The following ST3GAL1 variants were observed in gnomAD, a reference collection of about 807,000 sequenced individuals.
The protein encoded by ST3GAL1 is CMP-N-acetylneuraminate-beta-galactosamide-alpha-2,3-sialyltransferase 1.
Under a neutral mutation model 34.1 loss-of-function variants are expected in ST3GAL1, and 16 were observed. The observed-to-expected ratio is 0.47, with a 90% CI of 0.32 to 0.71. The LOEUF is 0.71. Ranked by LOEUF, ST3GAL1 falls within the 30% of genes least tolerant of loss-of-function variation. ST3GAL1 has a pLI of 0.04. For synonymous variants in ST3GAL1, 191 were observed against 184.7 expected (o/e 1.03, Z -0.28); for missense variants, 353 against 447.4 (o/e 0.79, Z 1.90).
Position 133,561,122 on chromosome 8 carries a change from T to C in ST3GAL1, c.-582+10571A>G, listed in dbSNP as rs967174040. Among the ~76,000 whole-genome samples the C allele has an allele frequency of 2.0e-5, 3 of 150,990 alleles. No homozygotes were observed. The East Asian group carries it at 5.8e-4, about 29-fold the overall frequency. ...CCCAGAGCCATCTTTTTTTTTTTTT[T>C]TTTTTTTGCTTGCTGCCAGTTAATC... On this transcript the variant is annotated intron_variant, in intron 1 of 9. Coordinates refer to ENST00000522652, the MANE Select transcript of ST3GAL1 (RefSeq NM_173344.3).
rs1407215789 is a variant in ST3GAL1, at chr8:133,457,567, C to A, written c.*2197G>T. On this transcript the variant is annotated 3_prime_UTR_variant, in exon 10 of 10. Coordinates refer to ENST00000522652, the MANE Select transcript of ST3GAL1 (RefSeq NM_173344.3). The stretch of plus-strand genomic sequence containing the variant: ...ATGACTCAGTGATTTACCAGCCTTT[C>A]TCAGAAAAAAGAAAAGTCTTTAAAG... The A allele has an allele frequency of 6.6e-6, 1 of 152,118 alleles. No homozygotes were observed. The highest frequency in any genetic ancestry group is 1.5e-5 in the Non-Finnish European group (1 of 68,030). 9.4% of individuals were successfully genotyped at this position (152,118 alleles called of 1,614,324 possible).
At chr8:133,540,924 T>TATATAGACATATATATAGACAC (rs1563734225) in intron 2 of ST3GAL1, among the ~76,000 whole-genome samples, 7 of 75,888 alleles carry the variant, frequency 9.2e-5, no homozygotes, top group African/African-American at 3.4e-4. Flanking sequence ...TATAGACATA[T>TATATAGACATATATATAGACAC]ATATATAGAC....
At chr8:133,513,920 A>AAAAATTTTGATCCCTGTGCTAAGAGAC (rs1817569666) in intron 2 of ST3GAL1, among the ~76,000 whole-genome samples, 2 of 151,992 alleles carry the variant, frequency 1.3e-5, no homozygotes, top group Non-Finnish European at 2.9e-5. Flanking sequence ...AAAGAAAAGA[A>AAAAATTTTGATCCCTGTGCTAAGAGAC]AAAATTTTGA....
At position 133,560,477 on chromosome 8, in the gene ST3GAL1, C is replaced by T. The variant is rs530261567; in HGVS notation, c.-582+11216G>A. Among the ~76,000 whole-genome samples the T allele has an allele frequency of 1.1e-4, 16 of 152,320 alleles. No homozygotes were observed. In the South Asian group the frequency reaches 3.3e-3, roughly 32 times the overall value. ...CGGGGAGAAGACTCAGAGCCCCAGG[C>T]TTTGGGAGAATGAAGCTGCTGGTGT... is the stretch of plus-strand genomic sequence containing the variant. On this transcript the variant is annotated intron_variant, in intron 1 of 9. Transcript: ENST00000522652.
chr8:133,560,494 T>A (rs989371272), intron 1 of ST3GAL1, among the ~76,000 whole-genome samples: 1 of 152,198 alleles, frequency 6.6e-6, no homozygotes. Context: ...AGAATGAAGC[T>A]GCTGGTGTGA....
At chr8:133,537,598 G>A (rs2131056704) in intron 2 of ST3GAL1, among the ~76,000 whole-genome samples, 1 of 152,318 alleles carries the variant, frequency 6.6e-6, no homozygotes, top group South Asian at 2.1e-4. Context: ...TCCAAGGGCT[G>A]GAGAAAAGCA....
intron 2 of ST3GAL1, among the ~76,000 whole-genome samples, chr8:133,540,946 T>TATATAGACATATATATAGAC (rs1563734286): frequency 7.2e-5 from 6 of 83,522 alleles, no homozygotes; most frequent in African/African-American, 1.3e-4. Flanking sequence ...TATATAGACA[T>TATATAGACATATATATAGAC]ATATATAGAC....
rs58645688 is a variant in ST3GAL1, at chr8:133,480,925, T to G, written c.-373-4325A>C. Among the ~76,000 whole-genome samples, 713 of 152,360 alleles carry G rather than the reference T, an allele frequency of 4.7e-3. 7 individuals carry two copies. Among genetic ancestry groups the G allele is most frequent in the African/African-American group, 0.016 (663 of 41,584 alleles). The stretch of plus-strand genomic sequence containing the variant: ...CAGTTCTTCATTTCAGTGGTGTCTT[T>G]TAGTTCTGGAATTTCTACCTAATTT... On this transcript the variant is annotated intron_variant, in intron 3 of 9. Coordinates refer to ENST00000522652, the MANE Select transcript of ST3GAL1 (RefSeq NM_173344.3).
chr8:133,566,161 G>A (rs771118973), intron 1 of ST3GAL1, among the ~76,000 whole-genome samples: 2 of 152,192 alleles, frequency 1.3e-5, no homozygotes, highest in African/African-American at 4.8e-5. Context: ...CCAGGGTTCT[G>A]GCTAACTAGT....
intron 2 of ST3GAL1, among the ~76,000 whole-genome samples, chr8:133,545,102 C>T (rs1818641217): frequency 6.6e-6 from 1 of 152,208 alleles, no homozygotes; most frequent in South Asian, 2.1e-4. Context: ...TGACTGAGGC[C>T]TGAATTTTTC....
In ST3GAL1 at chr8:133,457,678, A is replaced by G. The variant is rs1815350715; in HGVS notation, c.*2086T>C. On this transcript the variant is annotated 3_prime_UTR_variant, in exon 10 of 10. Transcript: ENST00000522652. ...AACCTTTGAGAATCTAATAAAAGCT[A>G]TGGTCCTTTCTCCAGAAAAATGCTC... 1 of 152,256 alleles carries G rather than the reference A, an allele frequency of 6.6e-6. No homozygotes were observed. The highest frequency in any genetic ancestry group is 6.5e-5 in the Admixed American group (1 of 15,290). The allele number at this position is 152,256 out of a possible 1,614,324, so 9.4% of individuals were successfully genotyped here.
intron 3 of ST3GAL1, among the ~76,000 whole-genome samples, chr8:133,488,869 G>GC (rs1038277399): frequency 7.5e-5 from 3 of 39,894 alleles, no homozygotes; most frequent in Admixed American, 3.3e-4. Flanking sequence ...CTGGCAGACA[G>GC]GGGGGGCCAG....
chr8:133,562,541 A>C (rs1367136751), intron 1 of ST3GAL1, among the ~76,000 whole-genome samples: 1 of 152,108 alleles, frequency 6.6e-6, no homozygotes, highest in African/African-American at 2.4e-5. Context: ...AATCAGGAGG[A>C]CCGTCAGAAG....
chr8:133,539,157 C>T (rs549709280), intron 2 of ST3GAL1, among the ~76,000 whole-genome samples: 5 of 152,280 alleles, frequency 3.3e-5, no homozygotes, highest in Admixed American at 6.5e-5. Flanking sequence ...CAGGTCAGCC[C>T]GCAGAACTTC....
At chr8:133,531,135 T>C (rs1452323335) in intron 2 of ST3GAL1, among the ~76,000 whole-genome samples, 1 of 151,682 alleles carries the variant, frequency 6.6e-6, no homozygotes, top group Non-Finnish European at 1.5e-5. Flanking sequence ...TCTTACACAT[T>C]CATATTTTTA....
intron 3 of ST3GAL1, among the ~76,000 whole-genome samples, chr8:133,478,066 G>A (rs977961973): frequency 3.3e-5 from 5 of 152,146 alleles, no homozygotes; most frequent in Non-Finnish European, 5.9e-5. Context: ...AGTTGGCAAC[G>A]TCATTTTTAT....
intron 1 of ST3GAL1, among the ~76,000 whole-genome samples, chr8:133,551,541 G>GGAAA (rs10522087): frequency 0.033 from 2,988 of 91,924 alleles, 305 homozygotes; most frequent in East Asian, 0.036. Flanking sequence ...AGAAAGAGAA[G>GGAAA]GAAAGAAAGA....
chr8:133,538,335 C>G (rs535145710), intron 2 of ST3GAL1, among the ~76,000 whole-genome samples: 47 of 152,184 alleles, frequency 3.1e-4, no homozygotes, highest in African/African-American at 1.0e-3. Flanking sequence ...GCCAACATGG[C>G]GAAACCCCAT....
Position 133,465,926 on chromosome 8 carries a change from C to G in ST3GAL1, c.471G>C (p.Gly157=), listed in dbSNP as rs779461205. The G allele has an allele frequency of 7.4e-6, 12 of 1,613,976 alleles. No homozygotes were observed. The East Asian group carries it at 2.5e-4, about 33-fold the overall frequency. ...CAAAGTCGTGACTGTCTATCTCAGG[C>G]CCATAAGAAGACTCCCTCAGGTTGC... is the stretch of plus-strand genomic sequence containing the variant. The part of the protein sequence containing the change: ...NSGNLRESSY[G]PEIDSHDFVL... Residue 157 remains glycine (G), a synonymous_variant, in exon 6 of 10, where the codon GGG becomes GGC. Transcript: ENST00000522652.
Sources: allele counts gnomAD v4.1 joint callset (sites outside exome capture counted in the v4.1 genomes callset), GRCh38; gene constraint gnomAD v4.1.1; transcripts MANE v1.5; gene names NCBI Gene and HGNC (gene_info 2026-07-23, HGNC 2026-07-21).